AGBL1: variants seen among roughly 807,000 people sequenced by gnomAD.
The protein encoded by AGBL1 is cytosolic carboxypeptidase 4.
AGBL1 carries 130 observed loss-of-function variants against 118.9 expected under a neutral mutation model. The observed-to-expected ratio is 1.09, with a 90% CI of 0.95 to 1.26. The LOEUF is 1.26. Ranked by LOEUF, AGBL1 falls within the 50% of genes most tolerant of loss-of-function variation. AGBL1 has a pLI of 0.00. For synonymous variants in AGBL1, 555 were observed against 478.9 expected (o/e 1.16, Z -2.08); for missense variants, 1,584 against 1,298.1 (o/e 1.22, Z -3.38).
chr15:86,508,087 A>T (rs2346701), intron 18 of AGBL1, among the ~76,000 whole-genome samples: 64,721 of 149,506 alleles, frequency 0.43, 14,973 homozygotes, highest in East Asian at 0.68. Context: ...TGCCCAGCTA[A>T]TTTTTTTTGT....
At chr15:86,171,682 T>C (rs948092027) in intron 5 of AGBL1, among the ~76,000 whole-genome samples, 14 of 152,154 alleles carry the variant, frequency 9.2e-5, no homozygotes, top group Non-Finnish European at 1.8e-4. Flanking sequence ...ATGTCAATGT[T>C]GCATACTCTA....
chr15:86,954,527 T>C (rs2080910978), intron 23 of AGBL1, among the ~76,000 whole-genome samples: 1 of 152,150 alleles, frequency 6.6e-6, no homozygotes, highest in African/African-American at 2.4e-5. Flanking sequence ...GATGCCATAA[T>C]CCTAAGTGAA....
At chr15:86,817,521 A>G in intron 22 of AGBL1, among the ~76,000 whole-genome samples, 1 of 133,096 alleles carries the variant, frequency 7.5e-6, no homozygotes, top group Non-Finnish European at 1.6e-5. Flanking sequence ...AGAGACAGGC[A>G]TACACACACA....
At chr15:86,863,884 A>G (rs528542218) in intron 22 of AGBL1, among the ~76,000 whole-genome samples, 1 of 152,320 alleles carries the variant, frequency 6.6e-6, no homozygotes, top group African/African-American at 2.4e-5. Context: ...GATTATAAGA[A>G]CCATTTCATA....
At chr15:86,470,965 G>A (rs1362498106) in intron 18 of AGBL1, among the ~76,000 whole-genome samples, 1 of 152,054 alleles carries the variant, frequency 6.6e-6, no homozygotes, top group Non-Finnish European at 1.5e-5. Context: ...TATGTCACCT[G>A]CAAGCAGAGA....
chr15:86,646,275 G>A (rs572889877), intron 21 of AGBL1, among the ~76,000 whole-genome samples: 28 of 152,260 alleles, frequency 1.8e-4, no homozygotes, highest in South Asian at 1.2e-3. Context: ...TTGCACGGCG[G>A]CAGTAACAAC....
In AGBL1 at chr15:86,669,067, G is replaced by A. The variant is rs544248994; in HGVS notation, c.2995-5206G>A. Among the ~76,000 whole-genome samples the A allele has an allele frequency of 5.3e-5, 8 of 152,056 alleles. No homozygotes were observed. In the East Asian group the frequency reaches 5.8e-4, roughly 11 times the overall value. ...AAAAGTTCCAACTGAAGAAAAGAGCGCTAACACCAATCTACAAAAACAGAC... is the reference window on the plus strand; with the variant it reads ...AAAAGTTCCAACTGAAGAAAAGAGCACTAACACCAATCTACAAAAACAGAC... On this transcript the variant is annotated intron_variant, in intron 21 of 22. Transcript: ENST00000614907.
At chr15:86,155,688 G>A (rs1363146573) in intron 4 of AGBL1, among the ~76,000 whole-genome samples, 8 of 151,974 alleles carry the variant, frequency 5.3e-5, no homozygotes, top group Non-Finnish European at 5.9e-5. Flanking sequence ...TAGTTGATAG[G>A]GGAAAGAACG....
intron 1 of AGBL1, chr15:86,105,123 T>C (rs902671608): frequency 1.3e-5 from 2 of 152,246 alleles, no homozygotes; most frequent in Non-Finnish European, 2.9e-5. Flanking sequence ...TGTAATAATA[T>C]ACTTGCTATT....
At chr15:86,493,246 A>G (rs7170485) in intron 18 of AGBL1, among the ~76,000 whole-genome samples, 87,029 of 151,820 alleles carry the variant, frequency 0.57, 25,468 homozygotes, top group East Asian at 0.77. Context: ...TTCAGGAGGT[A>G]AAGAGAGACA....
intron 18 of AGBL1, among the ~76,000 whole-genome samples, chr15:86,437,084 T>G (rs1245995573): frequency 6.6e-6 from 1 of 152,192 alleles, no homozygotes; most frequent in Non-Finnish European, 1.5e-5. Flanking sequence ...TCTCCCCTAG[T>G]TGCTATCATC....
In AGBL1 at chr15:86,827,938, CTTTTTTTT is replaced by C. The variant is rs71144074; in HGVS notation, c.3159-79136_3159-79129del. On this transcript the variant is annotated intron_variant, in intron 22 of 22. Coordinates refer to ENST00000614907, the MANE Select transcript of AGBL1 (RefSeq NM_001386094.1). ...ATAGTCTCTGGCACTTGATGTAGGGCTTTTTTTTTTTTTTTTTTTTGAGACAGTATCTT... is the reference window on the plus strand; with the variant it reads ...ATAGTCTCTGGCACTTGATGTAGGGCTTTTTTTTTTTTGAGACAGTATCTT... Among the ~76,000 whole-genome samples, 3 of 16,760 alleles carry C rather than the reference CTTTTTTTT, an allele frequency of 1.8e-4. No individual in the cohort carries two copies. In the East Asian group the frequency reaches 8.5e-3, roughly 48 times the overall value. 11.0% of individuals were successfully genotyped at this position (16,760 alleles called of 152,430 possible). A position where few individuals can be genotyped will look rare whatever the true frequency, so the allele number is the denominator to read the frequency against.
At chr15:86,415,592 A>G (rs1225485055) in intron 18 of AGBL1, among the ~76,000 whole-genome samples, 1 of 152,184 alleles carries the variant, frequency 6.6e-6, no homozygotes, top group Non-Finnish European at 1.5e-5. Flanking sequence ...TTTAGCATGA[A>G]GCCTTATTAA....
chr15:86,793,440 G>C (rs2078525045), intron 22 of AGBL1, among the ~76,000 whole-genome samples: 4 of 152,096 alleles, frequency 2.6e-5, no homozygotes, highest in African/African-American at 7.2e-5. Flanking sequence ...AATGAATTTG[G>C]ACCTTACCTC....
chr15:86,845,265 A>T lies in AGBL1; in HGVS notation c.3159-61822A>T, dbSNP rs147992777. 4.7e-4 allele frequency among the ~76,000 whole-genome samples: 71 copies of T among 152,190 alleles called. No homozygotes were observed. In the East Asian group the frequency reaches 0.012, roughly 25 times the overall value. Reference sequence around the variant, plus strand: ...AGGAAAATTGTCATCTTAATATTGAATTTTTTAATACATGAATAAGGGTGG... The same window carrying T: ...AGGAAAATTGTCATCTTAATATTGATTTTTTTAATACATGAATAAGGGTGG... On this transcript the variant is annotated intron_variant, in intron 22 of 22. Transcript: ENST00000614907.
At chr15:86,474,499 G>A (rs1241778484) in intron 18 of AGBL1, among the ~76,000 whole-genome samples, 2 of 152,194 alleles carry the variant, frequency 1.3e-5, no homozygotes, top group Admixed American at 6.5e-5. Context: ...GTCTGAGATC[G>A]AACTGCAAGG....
Position 86,357,429 on chromosome 15 carries a change from T to A in AGBL1, c.2375-39937T>A, listed in dbSNP as rs561258308. Among the ~76,000 whole-genome samples, 5 of 152,262 alleles carry A rather than the reference T, an allele frequency of 3.3e-5. No homozygotes were observed. The East Asian group carries it at 9.7e-4, about 29-fold the overall frequency. On this transcript the variant is annotated intron_variant, in intron 17 of 22. Transcript: ENST00000614907. ...GGGCTTGTGCTTGATAACCCAGATATTAAAATTCACTGTTTCTATCAAAAT... is the reference window on the plus strand; with the variant it reads ...GGGCTTGTGCTTGATAACCCAGATAATAAAATTCACTGTTTCTATCAAAAT...
intron 22 of AGBL1, among the ~76,000 whole-genome samples, chr15:86,681,254 C>T (rs2085950102): frequency 6.6e-6 from 1 of 152,266 alleles, no homozygotes; most frequent in Non-Finnish European, 1.5e-5. Flanking sequence ...ACTCTCTGCT[C>T]TTTGCTGATA....
chr15:86,333,514 C>G (rs1777441186), intron 17 of AGBL1, among the ~76,000 whole-genome samples: 1 of 152,084 alleles, frequency 6.6e-6, no homozygotes, highest in Non-Finnish European at 1.5e-5. Context: ...AGACTAATAA[C>G]AAGTTCCAAA....
Sources: gnomAD v4.1 joint callset for allele counts (sites outside exome capture counted in the v4.1 genomes callset) on GRCh38, gnomAD v4.1.1 for gene constraint, MANE v1.5 for transcripts, NCBI Gene and HGNC (gene_info 2026-07-23, HGNC 2026-07-21) for gene names.